The following SDK1 variants were observed in gnomAD, a reference collection of about 807,000 sequenced individuals.
SDK1 encodes the protein protein sidekick-1.
In SDK1, 157 loss-of-function variants were observed where a neutral mutation model predicts 245.5. The observed-to-expected ratio is 0.64, with a 90% CI of 0.56 to 0.73. SDK1 has a LOEUF of 0.73. SDK1 is among the 30% of genes least tolerant of loss of function. The pLI is 0.00. For missense variants in SDK1, 3,583 were observed against 3,002.3 expected (o/e 1.19, Z -4.52); for synonymous variants, 1,647 against 1,278.5 (o/e 1.29, Z -6.15).
rs1364713936 is a variant in SDK1 at position 4,208,129 on chromosome 7, G to A, written c.5245G>A (p.Glu1749Lys). Residue 1749 changes from glutamate to lysine, a missense_variant, in exon 37 of 45, where the codon GAA (glutamate) becomes AAA (lysine). Coordinates refer to ENST00000404826, the MANE Select transcript of SDK1 (RefSeq NM_152744.4). ...IYYWEADSQN[E>K]TEKMKVLFLP... Reference sequence around the variant, plus strand: ...CTACTGGGAGGCAGACAGCCAGAACGAAACGGAGAAAATGAAGGTCCTCTT... The same window carrying A: ...CTACTGGGAGGCAGACAGCCAGAACAAAACGGAGAAAATGAAGGTCCTCTT... The A allele has an allele frequency of 1.1e-5, 17 of 1,613,768 alleles. No individual in the cohort carries two copies. Among genetic ancestry groups the A allele is most frequent in the Middle Eastern group, 1.7e-4 (1 of 6,058 alleles).
chr7:3,909,396 G>C (rs186557200), intron 5 of SDK1, among the ~76,000 whole-genome samples: 2 of 152,206 alleles, frequency 1.3e-5, no homozygotes, highest in Admixed American at 6.5e-5. Context: ...CTGTGGAGCA[G>C]GGGTGGGTGG....
intron 1 of SDK1, among the ~76,000 whole-genome samples, chr7:3,321,732 C>A (rs1421424266): frequency 9.6e-6 from 1 of 104,464 alleles, no homozygotes; most frequent in Non-Finnish European, 2.0e-5. Context: ...CCTCTCCCTC[C>A]CATCCCCTCC....
intron 6 of SDK1, 46 bp from the exon 7 acceptor site, chr7:3,951,684 C>T (rs1230977680): frequency 3.2e-6 from 5 of 1,569,486 alleles, no homozygotes; most frequent in Non-Finnish European, 4.4e-6. Context: ...CCGTTGCCAC[C>T]TCCCTGAGTC....
intron 5 of SDK1, among the ~76,000 whole-genome samples, chr7:3,831,052 G>A (rs574481019): frequency 6.6e-6 from 1 of 152,222 alleles, no homozygotes; most frequent in Admixed American, 6.5e-5. Context: ...TAATTGATAT[G>A]AAAGATAAGG....
chr7:3,397,403 A>G (rs574448177), intron 1 of SDK1, among the ~76,000 whole-genome samples: 1 of 151,524 alleles, frequency 6.6e-6, no homozygotes, highest in African/African-American at 2.4e-5. Context: ...TTTTTTCTTT[A>G]TATGGGAATA....
At chr7:3,644,092 G>A (rs539166482) in intron 4 of SDK1, among the ~76,000 whole-genome samples, 1 of 150,766 alleles carries the variant, frequency 6.6e-6, no homozygotes, top group South Asian at 2.1e-4. Context: ...TAGCAGAGGT[G>A]AGGTTTTACC....
intron 13 of SDK1, among the ~76,000 whole-genome samples, chr7:3,981,018 G>A (rs1014022563): frequency 2.0e-5 from 3 of 152,056 alleles, no homozygotes; most frequent in Non-Finnish European, 4.4e-5. Context: ...CATGCCTCAG[G>A]TATTGCACGT....
chr7:3,698,428 C>G (rs143768492), intron 4 of SDK1, among the ~76,000 whole-genome samples: 1 of 152,268 alleles, frequency 6.6e-6, no homozygotes, highest in Non-Finnish European at 1.5e-5. Context: ...CTTGTCCTCC[C>G]CACTGGGGTG....
intron 1 of SDK1, among the ~76,000 whole-genome samples, chr7:3,337,499 T>G (rs1476185130): frequency 1.3e-5 from 2 of 152,160 alleles, no homozygotes; most frequent in Non-Finnish European, 2.9e-5. Flanking sequence ...TGACTATAAT[T>G]TCTCAAATTT....
At chr7:4,150,847 C>G (rs1251416912) in intron 30 of SDK1, among the ~76,000 whole-genome samples, 2 of 152,240 alleles carry the variant, frequency 1.3e-5, no homozygotes, top group Admixed American at 6.5e-5. Flanking sequence ...AGGACCAGGC[C>G]CATGACAGAG....
chr7:3,346,827 A>ATATTT (rs1228887289), intron 1 of SDK1, among the ~76,000 whole-genome samples: 7 of 16,388 alleles, frequency 4.3e-4, no homozygotes, highest in African/African-American at 1.2e-3. Context: ...ATATATATAT[A>ATATTT]TTTTTTTTTT....
intron 1 of SDK1, among the ~76,000 whole-genome samples, chr7:3,498,753 A>T (rs1471129129): frequency 6.1e-4 from 81 of 132,120 alleles, no homozygotes; most frequent in Middle Eastern, 4.1e-3. Flanking sequence ...TTTCCCCTTT[A>T]CTCCCTCCAT....
intron 4 of SDK1, among the ~76,000 whole-genome samples, chr7:3,662,715 A>G (rs193064099): frequency 8.0e-4 from 122 of 152,372 alleles, no homozygotes; most frequent in Admixed American, 4.6e-3. Context: ...ATATACGTAT[A>G]TACAAATTAT....
chr7:3,957,677 G>T (rs999387109), intron 7 of SDK1, among the ~76,000 whole-genome samples: 1 of 152,172 alleles, frequency 6.6e-6, no homozygotes, highest in African/African-American at 2.4e-5. Flanking sequence ...TGTATGTATA[G>T]TTGGAATATA....
intron 1 of SDK1, among the ~76,000 whole-genome samples, chr7:3,532,958 A>G (rs1045441207): frequency 2.0e-5 from 3 of 152,198 alleles, no homozygotes; most frequent in Admixed American, 6.5e-5. Flanking sequence ...TAGCAAAAAC[A>G]TGGTAGTGGA....
At chr7:3,464,197 G>A (rs1032337906) in intron 1 of SDK1, among the ~76,000 whole-genome samples, 3 of 152,096 alleles carry the variant, frequency 2.0e-5, no homozygotes, top group African/African-American at 4.8e-5. Flanking sequence ...CAGTTTTTTG[G>A]GGACAGAGTA....
At chr7:3,645,245 A>G (rs2128653775) in intron 4 of SDK1, among the ~76,000 whole-genome samples, 1 of 152,346 alleles carries the variant, frequency 6.6e-6, no homozygotes, top group South Asian at 2.1e-4. Context: ...GTGTAATATC[A>G]AACAAATGGT....
chr7:3,351,199 T>C (rs182769862), intron 1 of SDK1, among the ~76,000 whole-genome samples: 8 of 152,318 alleles, frequency 5.3e-5, no homozygotes, highest in Admixed American at 3.3e-4. Flanking sequence ...ATGGTAGTTG[T>C]ATTGTAATTT....
chr7:3,713,250 G>T (rs971761626), intron 4 of SDK1, among the ~76,000 whole-genome samples: 4 of 152,222 alleles, frequency 2.6e-5, no homozygotes, highest in African/African-American at 7.2e-5. Flanking sequence ...GAAGGATAAT[G>T]ATCTTTCTCC....
Sources: gnomAD v4.1 joint callset for allele counts (sites outside exome capture counted in the v4.1 genomes callset) on GRCh38, gnomAD v4.1.1 for gene constraint, MANE v1.5 for transcripts, NCBI Gene and HGNC (gene_info 2026-07-23, HGNC 2026-07-21) for gene names.